PAPPA2: variants seen among roughly 807,000 people sequenced by gnomAD.
PAPPA2 encodes pappalysin-2.
Under a neutral mutation model 176.4 loss-of-function variants are expected in PAPPA2, and 86 were observed. The observed-to-expected ratio is 0.49, with a 90% CI of 0.41 to 0.58. The LOEUF is 0.58. Ranked by LOEUF, PAPPA2 falls within the 20% of genes least tolerant of loss-of-function variation. PAPPA2 has a pLI of 0.00. For missense variants in PAPPA2, 2,073 were observed against 2,256.9 expected (o/e 0.92, Z 1.65); for synonymous variants, 809 against 852.2 (o/e 0.95, Z 0.88).
chr1:176,533,483 C>T (rs1180688731), intron 1 of PAPPA2, among the ~76,000 whole-genome samples: 1 of 152,232 alleles, frequency 6.6e-6, no homozygotes, highest in East Asian at 1.9e-4. Flanking sequence ...TTTGTTTCTT[C>T]AGACCACTCC....
At chr1:176,782,931 A>C (rs1385245691) in intron 17 of PAPPA2, among the ~76,000 whole-genome samples, 1 of 152,190 alleles carries the variant, frequency 6.6e-6, no homozygotes, top group Non-Finnish European at 1.5e-5. Context: ...CAATTTTCAG[A>C]AACACCTGGG....
intron 15 of PAPPA2, among the ~76,000 whole-genome samples, chr1:176,768,337 G>A (rs1427610605): frequency 6.6e-6 from 1 of 152,118 alleles, no homozygotes; most frequent in Non-Finnish European, 1.5e-5. Flanking sequence ...CCCTGGCCGA[G>A]GATGGCAGTT....
intron 4 of PAPPA2, among the ~76,000 whole-genome samples, chr1:176,677,056 C>T (rs2102784134): frequency 6.6e-6 from 1 of 152,222 alleles, no homozygotes; most frequent in South Asian, 2.1e-4. Flanking sequence ...CTAGACTGAA[C>T]AGCTCACAGA....
At chr1:176,790,436 A>G (rs1481681444) in intron 18 of PAPPA2, among the ~76,000 whole-genome samples, 2 of 152,180 alleles carry the variant, frequency 1.3e-5, no homozygotes, top group Non-Finnish European at 2.9e-5. Flanking sequence ...ACACAGTCTT[A>G]TCTTTGTTGT....
chr1:176,693,651 G>A (rs757305296), intron 6 of PAPPA2, among the ~76,000 whole-genome samples: 1 of 152,158 alleles, frequency 6.6e-6, no homozygotes, highest in Admixed American at 6.5e-5. Context: ...TTTGATACCT[G>A]TCCCTGATAC....
At chr1:176,779,392 T>A (rs1358944083) in intron 17 of PAPPA2, among the ~76,000 whole-genome samples, 1 of 151,788 alleles carries the variant, frequency 6.6e-6, no homozygotes, top group Non-Finnish European at 1.5e-5. Flanking sequence ...ATAAACTGTC[T>A]CCTGAGGGAT....
chr1:176,572,787 T>C (rs570038671), intron 2 of PAPPA2, among the ~76,000 whole-genome samples: 17 of 152,344 alleles, frequency 1.1e-4, no homozygotes, highest in Non-Finnish European at 2.4e-4. Flanking sequence ...CTTTAGCTGA[T>C]GGATAAACTG....
intron 2 of PAPPA2, among the ~76,000 whole-genome samples, chr1:176,591,113 A>G (rs1350459412): frequency 6.7e-6 from 1 of 150,320 alleles, no homozygotes; most frequent in African/African-American, 2.5e-5. Context: ...ACACACACAC[A>G]CACACACACA....
Position 176,634,947 on chromosome 1 carries a change from GTAGATAGATAGATAGATAAATAGA to G in PAPPA2, c.1992-36004_1992-35981del, listed in dbSNP as rs1558486937. ...TGATGATGATGATGATAGATGATAG[GTAGATAGATAGATAGATAAATAGA>G]TAGATAGATAGATAGATAGATAGAT... On this transcript the variant is annotated intron_variant, in intron 3 of 22. Coordinates refer to ENST00000367662, the MANE Select transcript of PAPPA2 (RefSeq NM_020318.3). Among the ~76,000 whole-genome samples, 541 of 144,872 alleles carry G rather than the reference GTAGATAGATAGATAGATAAATAGA, an allele frequency of 3.7e-3. 3 individuals are homozygous for G. Among genetic ancestry groups the G allele is most frequent in the East Asian group, 0.023 (113 of 4,920 alleles).
chr1:176,760,472 T>C (rs549930487), intron 14 of PAPPA2, among the ~76,000 whole-genome samples: 3 of 152,334 alleles, frequency 2.0e-5, no homozygotes, highest in East Asian at 3.9e-4. Flanking sequence ...TTGAAACTTA[T>C]AAACATCAAA....
At chr1:176,623,627 T>C (rs867451431) in intron 3 of PAPPA2, among the ~76,000 whole-genome samples, 12,483 of 78,724 alleles carry the variant, frequency 0.16, 967 homozygotes, top group African/African-American at 0.24. Flanking sequence ...TCCTTCCTTT[T>C]TTACTTTCTT....
At chr1:176,582,747 G>T (rs573619480) in intron 2 of PAPPA2, among the ~76,000 whole-genome samples, 1 of 152,012 alleles carries the variant, frequency 6.6e-6, no homozygotes, top group East Asian at 1.9e-4. Context: ...GTCTGGTTTT[G>T]GTATTAGGGT....
chr1:176,762,979 C>A (rs1191981632), intron 14 of PAPPA2, among the ~76,000 whole-genome samples: 2 of 152,192 alleles, frequency 1.3e-5, no homozygotes, highest in East Asian at 3.9e-4. Flanking sequence ...GAGAGTATCA[C>A]TGACATATGA....
At chr1:176,527,226 AAGCCAGTGGATGCC>A (rs755388931) in intron 1 of PAPPA2, among the ~76,000 whole-genome samples, 11 of 152,372 alleles carry the variant, frequency 7.2e-5, no homozygotes, top group Non-Finnish European at 1.0e-4. Context: ...CAAGTCCAGA[AAGCCAGTGGATGCC>A]ACCACAGCCA....
Position 176,465,812 on chromosome 1 carries a change from G to A in PAPPA2, c.-917+2394G>A, listed in dbSNP as rs184437142. Reference sequence around the variant, plus strand: ...TCCCTCCTGCCACTCTCCACCTTCCGGTAGGCCCCAGTGTGTGTTGTTCCC... The same window carrying A: ...TCCCTCCTGCCACTCTCCACCTTCCAGTAGGCCCCAGTGTGTGTTGTTCCC... On this transcript the variant is annotated intron_variant, in intron 1 of 22. Transcript: ENST00000367662. Among the ~76,000 whole-genome samples the A allele has an allele frequency of 4.7e-3, 712 of 151,786 alleles. 11 individuals carry two copies. The highest frequency in any genetic ancestry group is 0.016 in the African/African-American group (672 of 41,392).
Position 176,556,628 on chromosome 1 carries a change from T to C in PAPPA2, c.306T>C (p.Asn102=), listed in dbSNP as rs1651311260. Residue 102 remains asparagine (N), a synonymous_variant, in exon 2 of 23, where the codon AAT becomes AAC. Coordinates refer to ENST00000367662, the MANE Select transcript of PAPPA2 (RefSeq NM_020318.3). ...TGRSKPDTEG[N]AVSLVPPDLT... ...GCAGCAAACCAGACACTGAAGGAAA[T>C]GCTGTGAGCCTTGTTCCCCCAGACC... 1.9e-6 allele frequency: 3 copies of C among 1,614,136 alleles called. No homozygotes were observed. Among genetic ancestry groups the C allele is most frequent in the Non-Finnish European group, 2.5e-6 (3 of 1,180,038 alleles).
chr1:176,710,447 A>G (rs1345225744), intron 11 of PAPPA2, among the ~76,000 whole-genome samples: 1 of 152,202 alleles, frequency 6.6e-6, no homozygotes, highest in Non-Finnish European at 1.5e-5. Context: ...TACAATGATC[A>G]AATAAGCTTT....
Position 176,749,240 on chromosome 1 carries a change from G to A in PAPPA2, c.4151+9044G>A, listed in dbSNP as rs369018578. Among the ~76,000 whole-genome samples the A allele has an allele frequency of 1.4e-4, 22 of 152,250 alleles. No individual in the cohort carries two copies. In the East Asian group the frequency reaches 3.7e-3, roughly 25 times the overall value. ...TGTAAAATAATTTAAATGTTTAAGTGGTTGTGCCATTTAAAAGAGCATTGT... is the reference window on the plus strand; with the variant it reads ...TGTAAAATAATTTAAATGTTTAAGTAGTTGTGCCATTTAAAAGAGCATTGT... On this transcript the variant is annotated intron_variant, in intron 14 of 22. Coordinates refer to ENST00000367662, the MANE Select transcript of PAPPA2 (RefSeq NM_020318.3).
Position 176,699,521 on chromosome 1 carries a change from C to T in PAPPA2, c.3168C>T (p.Leu1056=). The T allele has an allele frequency of 2.5e-6, 4 of 1,613,632 alleles. No individual in the cohort carries two copies. The highest frequency in any genetic ancestry group is 1.1e-5 in the South Asian group (1 of 91,064). Residue 1056 remains leucine (L), a synonymous_variant, in exon 8 of 23, where the codon CTC becomes CTT. Transcript: ENST00000367662. ...SGCRPVRYQV[L]RDPPFASGLP... ...GCAGGCCTGTGAGGTACCAGGTTCT[C>T]CGCGATCCCCCATTTGCCAGTGGTT... is the stretch of plus-strand genomic sequence containing the variant.
Sources: allele counts gnomAD v4.1 joint callset (sites outside exome capture counted in the v4.1 genomes callset), GRCh38; gene constraint gnomAD v4.1.1; transcripts MANE v1.5; gene names NCBI Gene and HGNC (gene_info 2026-07-23, HGNC 2026-07-21).